The following SPECC1 variants were observed in gnomAD, a reference collection of about 807,000 sequenced individuals.
SPECC1 encodes cytospin-B.
Under a neutral mutation model 104.1 loss-of-function variants are expected in SPECC1, and 62 were observed. That is an observed-to-expected ratio of 0.60 (90% CI 0.49 to 0.74). The LOEUF (loss-of-function observed/expected upper bound fraction) is 0.74. Ranked by LOEUF, SPECC1 falls within the 30% of genes least tolerant of loss-of-function variation. SPECC1 has a pLI of 0.00. For missense variants in SPECC1, 1,306 were observed against 1,310.5 expected (o/e 1.00, Z 0.05); for synonymous variants, 513 against 501.6 (o/e 1.02, Z -0.30).
At chr17:20,182,085 GACAA>G (rs1398970071) in intron 3 of SPECC1, among the ~76,000 whole-genome samples, 1 of 150,436 alleles carries the variant, frequency 6.6e-6, no homozygotes, top group Non-Finnish European at 1.5e-5. Context: ...TAATACTTCA[GACAA>G]ACCTCAATTT....
At chr17:20,246,127 T>C in intron 8 of SPECC1, 56 bp downstream of exon 8, 3 of 1,597,574 alleles carry the variant, frequency 1.9e-6, no homozygotes, top group Non-Finnish European at 2.6e-6. Context: ...TGGCCCGACA[T>C]TTGATATGTC....
intron 12 of SPECC1, among the ~76,000 whole-genome samples, chr17:20,291,120 A>G (rs916949499): frequency 2.0e-5 from 3 of 152,218 alleles, no homozygotes; most frequent in Admixed American, 6.5e-5. Context: ...TCACCAGTGC[A>G]GAGAGCAGTG....
Position 20,065,221 on chromosome 17 carries a change from A to G in SPECC1, c.-21-31410A>G, listed in dbSNP as rs555008948. Among the ~76,000 whole-genome samples, 596 of 152,300 alleles carry G rather than the reference A, an allele frequency of 3.9e-3. 3 individuals carry two copies. The highest frequency in any genetic ancestry group is 6.1e-3 in the Non-Finnish European group (416 of 68,030). On this transcript the variant is annotated intron_variant, in intron 1 of 14. Coordinates refer to ENST00000395527, the MANE Select transcript of SPECC1 (RefSeq NM_001243439.2). Reference sequence around the variant, plus strand: ...GGGGGTTTCTCTATAGAAGTAGTGGACACCAGCTAGGTGTTCTCCAGTTCA... The same window carrying G: ...GGGGGTTTCTCTATAGAAGTAGTGGGCACCAGCTAGGTGTTCTCCAGTTCA...
chr17:20,080,485 C>T lies in SPECC1; in HGVS notation c.-21-16146C>T, dbSNP rs115286734. ...GAGCCACATCTGGTTGCTACAGTAA[C>T]GGGCCTCCTTATAACGAGAAGAGCC... On this transcript the variant is annotated intron_variant, in intron 1 of 14. Transcript: ENST00000395527. Among the ~76,000 whole-genome samples the T allele has an allele frequency of 1.6e-3, 244 of 152,206 alleles. 2 individuals are homozygous for T. The highest frequency in any genetic ancestry group is 5.5e-3 in the African/African-American group (230 of 41,540).
chr17:20,068,127 G>C lies in SPECC1; in HGVS notation c.-21-28504G>C, dbSNP rs115984128. 2.9e-3 allele frequency among the ~76,000 whole-genome samples: 438 copies of C among 152,106 alleles called. 4 individuals are homozygous for C. Among genetic ancestry groups the C allele is most frequent in the African/African-American group, 1.0e-2 (414 of 41,524 alleles). On this transcript the variant is annotated intron_variant, in intron 1 of 14. Transcript: ENST00000395527. ...ACCACAGATGTACACCACCACCCCT[G>C]GTTTGTATTTTTGGTAGAGACAGGA...
chr17:20,011,365 T>A (rs1468578465), intron 1 of SPECC1, among the ~76,000 whole-genome samples: 1 of 152,208 alleles, frequency 6.6e-6, no homozygotes, highest in Non-Finnish European at 1.5e-5. Flanking sequence ...TATTTTCTGT[T>A]TTCCTAGAAA....
chr17:20,064,098 G>A (rs901027575), intron 1 of SPECC1, among the ~76,000 whole-genome samples: 18 of 152,316 alleles, frequency 1.2e-4, no homozygotes, highest in Non-Finnish European at 1.9e-4. Flanking sequence ...AGACTAGTCA[G>A]TGAGGCAAGT....
intron 3 of SPECC1, among the ~76,000 whole-genome samples, chr17:20,153,963 C>A (rs1454504904): frequency 6.6e-6 from 1 of 152,182 alleles, no homozygotes; most frequent in South Asian, 2.1e-4. Flanking sequence ...AGTATATTTG[C>A]TTGTACATGC....
At chr17:20,116,184 T>A (rs917413156) in intron 3 of SPECC1, among the ~76,000 whole-genome samples, 2 of 152,294 alleles carry the variant, frequency 1.3e-5, no homozygotes, top group East Asian at 3.9e-4. Flanking sequence ...GCCTCCCAGT[T>A]TCACGCCATT....
rs1330141490 is a variant in SPECC1 at position 20,315,705 on chromosome 17, G to GCT, written c.*1642_*1643dup. On this transcript the variant is annotated 3_prime_UTR_variant, in exon 15 of 15. Transcript: ENST00000395527. ...CCTTACCATTCCTGGAGAGGTAGGA[G>GCT]CTCAGTCCCTTCCTCCAAGCCAGAC... The GCT allele has an allele frequency of 4.3e-6, 1 of 232,242 alleles. No homozygotes were observed. The highest frequency in any genetic ancestry group is 2.2e-5 in the African/African-American group (1 of 45,292). The allele number at this position is 232,242 out of a possible 1,614,324, so 14.4% of individuals were successfully genotyped here.
chr17:20,182,731 G>A (rs938661353), intron 3 of SPECC1, among the ~76,000 whole-genome samples: 1 of 152,186 alleles, frequency 6.6e-6, no homozygotes, highest in Middle Eastern at 3.2e-3. Flanking sequence ...AAAGTACTGA[G>A]TCTCAAGTAG....
chr17:20,149,139 G>A (rs1399858326), intron 3 of SPECC1, among the ~76,000 whole-genome samples: 1 of 152,172 alleles, frequency 6.6e-6, no homozygotes, highest in Non-Finnish European at 1.5e-5. Flanking sequence ...ATTAAACTTG[G>A]ACATTTGTGT....
intron 1 of SPECC1, among the ~76,000 whole-genome samples, chr17:20,080,884 G>T (rs1011503436): frequency 6.6e-6 from 1 of 152,114 alleles, no homozygotes; most frequent in Admixed American, 6.5e-5. Flanking sequence ...AGTGCAGGGG[G>T]GGGTGGTCAC....
intron 1 of SPECC1, among the ~76,000 whole-genome samples, chr17:20,030,290 C>T (rs1250022320): frequency 6.6e-6 from 1 of 151,920 alleles, no homozygotes; most frequent in Non-Finnish European, 1.5e-5. Flanking sequence ...TAATTTAATT[C>T]TAGTTAGATA....
chr17:20,306,038 T>C lies in SPECC1; in HGVS notation c.3073T>C (p.Leu1025=). The change falls in exon 14 of 15, where the codon TTG becomes CTG. Residue 1025 remains leucine (L), a synonymous_variant. Coordinates refer to ENST00000395527, the MANE Select transcript of SPECC1 (RefSeq NM_001243439.2). ...TTTAACTTAGAAGAGGAATCTCTTG[T>C]TGGCATTTGAAGCGGCTGAAAGTGT... ...NSQEKKRNLL[L]AFEAAESVGI... 1.2e-6 allele frequency: 2 copies of C among 1,614,066 alleles called. No individual in the cohort carries two copies. Among genetic ancestry groups the C allele is most frequent in the Non-Finnish European group, 1.7e-6 (2 of 1,179,988 alleles).
At chr17:20,113,155 C>CT (rs915035192) in intron 3 of SPECC1, among the ~76,000 whole-genome samples, 13 of 151,714 alleles carry the variant, frequency 8.6e-5, no homozygotes, top group East Asian at 3.9e-4. Context: ...AAAAAATTGA[C>CT]TTTTTTTTCC....
At chr17:20,304,277 G>A (rs1228947860) in intron 13 of SPECC1, among the ~76,000 whole-genome samples, 9 of 152,028 alleles carry the variant, frequency 5.9e-5, no homozygotes, top group African/African-American at 2.2e-4. Context: ...GTGACAGGGC[G>A]AGATTCCATC....
At chr17:20,282,087 A>G (rs906793597) in intron 12 of SPECC1, among the ~76,000 whole-genome samples, 51 of 152,382 alleles carry the variant, frequency 3.3e-4, no homozygotes, top group African/African-American at 1.2e-3. Flanking sequence ...CCATGCTTGC[A>G]AGGCAACCAG....
chr17:20,230,445 A>G (rs1195863632), intron 5 of SPECC1, among the ~76,000 whole-genome samples: 3 of 152,224 alleles, frequency 2.0e-5, no homozygotes, highest in African/African-American at 7.2e-5. Flanking sequence ...CCTGGACGCC[A>G]TCATCATCAG....
Sources: allele counts gnomAD v4.1 joint callset (sites outside exome capture counted in the v4.1 genomes callset), GRCh38; gene constraint gnomAD v4.1.1; transcripts MANE v1.5; gene names NCBI Gene and HGNC (gene_info 2026-07-23, HGNC 2026-07-21).